DMBX1: variants seen among roughly 807,000 people sequenced by gnomAD.
DMBX1 encodes diencephalon/mesencephalon homeobox protein 1.
A neutral mutation model predicts 30.4 loss-of-function variants in DMBX1; 7 were observed. That is an observed-to-expected ratio of 0.23 (90% CI 0.13 to 0.43). The LOEUF (loss-of-function observed/expected upper bound fraction) is 0.43. Among genes scored for constraint, DMBX1 ranks in the 20% least tolerant of loss-of-function variants. The pLI is 1.00. For missense variants in DMBX1, 460 were observed against 508.5 expected, an observed-to-expected ratio of 0.90 and a Z score of 0.92; for synonymous variants, 222 against 214.2, an observed-to-expected ratio of 1.04 and a Z score of -0.32.
At chr1:46,492,784 T>A (rs2148480182) in intron 2 of DMBX1, among the ~76,000 whole-genome samples, 1 of 152,224 alleles carries the variant, frequency 6.6e-6, no homozygotes, top group South Asian at 2.1e-4. Flanking sequence ...ACAAGAGGCA[T>A]GGGCAGATCC....
rs1307895548 is a variant in DMBX1 at position 46,510,206 on chromosome 1, G to A, written c.155-270G>A. ...CTACCCAATCCCAATGCCAAATAAT[G>A]AAGACCCCCCTCAATCATATGCCTG... On this transcript the variant is annotated intron_variant, in intron 3 of 5. Transcript: ENST00000360032. The surrounding 1 kb of genome is among the most constrained non-coding windows in gnomAD (Gnocchi z 4.1). 6.6e-6 allele frequency among the ~76,000 whole-genome samples: 1 copy of A among 152,088 alleles called. No homozygotes were observed. Among genetic ancestry groups the A allele is most frequent in the African/African-American group, 2.4e-5 (1 of 41,388 alleles).
At position 46,511,214 on chromosome 1, in the gene DMBX1, C is replaced by T; in HGVS notation, c.613C>T (p.Pro205Ser). 1 of 1,613,018 alleles carries T rather than the reference C, an allele frequency of 6.2e-7. No individual in the cohort carries two copies. Among genetic ancestry groups the T allele is most frequent in the Non-Finnish European group, 8.5e-7 (1 of 1,179,840 alleles). Residue 205 changes from proline to serine, a missense_variant, in exon 5 of 6, where the codon CCC becomes TCC. Physicochemically the swap from Pro to Ser is moderately conservative, Grantham distance 74 (BLOSUM62 -1). This residue lies in a region of DMBX1 where 334 missense variants were observed against 345.1 expected (regional missense o/e 0.97). Transcript: ENST00000360032. Reference sequence around the variant, plus strand: ...GGACCCCAGGGCAGGGGCTGAGGACCCCAAAGCTGAGAAGAGCCCTGGGGC... The same window carrying T: ...GGACCCCAGGGCAGGGGCTGAGGACTCCAAAGCTGAGAAGAGCCCTGGGGC... ...EEDPRAGAED[P>S]KAEKSPGADS...
chr1:46,510,929 C>T lies in DMBX1; in HGVS notation c.334-6C>T, dbSNP rs771951879. Reference sequence around the variant, plus strand: ...CCACCTCGGACTGCTCCTTTCCCGTCCCCAGGTGTGGTTCAAGAACCGCCG... The same window carrying T: ...CCACCTCGGACTGCTCCTTTCCCGTTCCCAGGTGTGGTTCAAGAACCGCCG... On this transcript the variant is annotated splice_polypyrimidine_tract_variant and splice_region_variant and intron_variant, in intron 4 of 5. Coordinates refer to ENST00000360032, the MANE Select transcript of DMBX1 (RefSeq NM_172225.2). This position sits in a 1 kb window ranked among gnomAD's most constrained non-coding sequence, Gnocchi z 4.1. 7 of 1,594,162 alleles carry T rather than the reference C, an allele frequency of 4.4e-6. No individual in the cohort carries two copies. Among genetic ancestry groups the T allele is most frequent in the Non-Finnish European group, 6.0e-6 (7 of 1,169,388 alleles).
In DMBX1 at chr1:46,510,762, C is replaced by G. The variant is rs1666350426; in HGVS notation, c.333+108C>G. On this transcript the variant is annotated intron_variant, in intron 4 of 5. Transcript: ENST00000360032. The surrounding 1 kb of genome is among the most constrained non-coding windows in gnomAD (Gnocchi z 4.1). ...ATCCCTGTGCCAAGGTGCAACTGAT[C>G]TCTCCATCAAAGCCTTCAGTGATAG... 7.0e-7 allele frequency: 1 copy of G among 1,419,036 alleles called. No homozygotes were observed. Among genetic ancestry groups the G allele is most frequent in the African/African-American group, 1.4e-5 (1 of 70,202 alleles). 87.9% of individuals were successfully genotyped at this position (1,419,036 alleles called of 1,614,324 possible). A position where few individuals can be genotyped will look rare whatever the true frequency, so the allele number is the denominator to read the frequency against.
At chr1:46,500,149 G>A (rs1181050689) in intron 2 of DMBX1, among the ~76,000 whole-genome samples, 1 of 152,040 alleles carries the variant, frequency 6.6e-6, no homozygotes, top group Admixed American at 6.5e-5. Flanking sequence ...GGAGTGGTAG[G>A]TAGTCTGGTA....
In DMBX1 at chr1:46,510,903, C is replaced by T. The variant is rs1324378142; in HGVS notation, c.334-32C>T. 1 of 1,544,292 alleles carries T rather than the reference C, an allele frequency of 6.5e-7. No homozygotes were observed. The highest frequency in any genetic ancestry group is 2.3e-5 in the East Asian group (1 of 43,576). ...CCACACCAACCCCACTTCTTTCTTGCCCACCTCGGACTGCTCCTTTCCCGT... is the reference window on the plus strand; with the variant it reads ...CCACACCAACCCCACTTCTTTCTTGTCCACCTCGGACTGCTCCTTTCCCGT... On this transcript the variant is annotated intron_variant, in intron 4 of 5. Coordinates refer to ENST00000360032, the MANE Select transcript of DMBX1 (RefSeq NM_172225.2). This position sits in a 1 kb window ranked among gnomAD's most constrained non-coding sequence, Gnocchi z 4.1.
chr1:46,502,676 C>A (rs1666159918), intron 2 of DMBX1, among the ~76,000 whole-genome samples: 1 of 152,080 alleles, frequency 6.6e-6, no homozygotes, highest in Admixed American at 6.6e-5. Flanking sequence ...TGCTTGAGCC[C>A]AGGAGTTTGA....
intron 3 of DMBX1, among the ~76,000 whole-genome samples, chr1:46,508,274 GC>G (rs1666279554): frequency 6.6e-6 from 1 of 152,210 alleles, no homozygotes; most frequent in Non-Finnish European, 1.5e-5. Flanking sequence ...AAATGCTGGG[GC>G]AGCTCAGAGC....
In DMBX1 at chr1:46,510,889, C is replaced by T. The variant is rs1398197019; in HGVS notation, c.334-46C>T. 6.6e-7 allele frequency: 1 copy of T among 1,525,008 alleles called. No homozygotes were observed. The allele number at this position is 1,525,008 out of a possible 1,614,324, so 94.5% of individuals were successfully genotyped here. A position where few individuals can be genotyped will look rare whatever the true frequency, so the allele number is the denominator to read the frequency against. On this transcript the variant is annotated intron_variant, in intron 4 of 5. Coordinates refer to ENST00000360032, the MANE Select transcript of DMBX1 (RefSeq NM_172225.2). The surrounding 1 kb of genome is among the most constrained non-coding windows in gnomAD (Gnocchi z 4.1). ...CAGAGCACCCTGCTCCACACCAACCCCACTTCTTTCTTGCCCACCTCGGAC... is the reference window on the plus strand; with the variant it reads ...CAGAGCACCCTGCTCCACACCAACCTCACTTCTTTCTTGCCCACCTCGGAC...
Position 46,512,192 on chromosome 1 carries a change from T to C in DMBX1, c.832T>C (p.Tyr278His). ...GGCGGCCACCAACAACCTGGTGCAC[T>C]ACTCGTCCTTCGAAGTAGGGGGTCC... ...HMAATNNLVH[Y>H]SSFEVGGPAP... The change falls in exon 6 of 6, where the codon TAC (tyrosine) becomes CAC (histidine). Residue 278 changes from tyrosine (Y) to histidine (H), a missense_variant. By Grantham distance (83) the Tyr-to-His change is moderately conservative. This residue lies in a region of DMBX1 where 334 missense variants were observed against 345.1 expected (regional missense o/e 0.97). Transcript: ENST00000360032. The surrounding 1 kb of genome is among the most constrained non-coding windows in gnomAD (Gnocchi z 4.8). 1 of 1,614,048 alleles carries C rather than the reference T, an allele frequency of 6.2e-7. No homozygotes were observed. The highest frequency in any genetic ancestry group is 2.2e-5 in the East Asian group (1 of 44,866).
rs1666404019 is a variant in DMBX1, at chr1:46,512,501, G to A, written c.*7G>A. On this transcript the variant is annotated 3_prime_UTR_variant, in exon 6 of 6. Coordinates refer to ENST00000360032, the MANE Select transcript of DMBX1 (RefSeq NM_172225.2). This position sits in a 1 kb window ranked among gnomAD's most constrained non-coding sequence, Gnocchi z 4.8. ...CGATACGCTGCCCAACTGACTGTCT[G>A]GCTTCCAACCCAGCCAGGGGTCTTA... The A allele has an allele frequency of 3.7e-6, 6 of 1,602,210 alleles. No homozygotes were observed. The highest frequency in any genetic ancestry group is 5.1e-6 in the Non-Finnish European group (6 of 1,172,452).
Position 46,507,130 on chromosome 1 carries a change from A to G in DMBX1, c.120A>G (p.Ser40=), listed in dbSNP as rs1666253251. Residue 40 remains serine, a synonymous_variant, in exon 3 of 6, where the codon TCA becomes TCG. Coordinates refer to ENST00000360032, the MANE Select transcript of DMBX1 (RefSeq NM_172225.2). The part of the protein sequence containing the change: ...QAQHAPDYRP[S]VHALTLAERL... ...AGCATGCCCCCGACTACCGGCCTTC[A>G]GTGCATGCGCTTACATTGGCTGAGC... The G allele has an allele frequency of 1.2e-6, 2 of 1,614,228 alleles. No homozygotes were observed. The highest frequency in any genetic ancestry group is 1.1e-5 in the South Asian group (1 of 91,092).
intron 2 of DMBX1, among the ~76,000 whole-genome samples, chr1:46,494,844 C>G (rs78616682): frequency 6.6e-6 from 1 of 152,160 alleles, no homozygotes; most frequent in Non-Finnish European, 1.5e-5. Flanking sequence ...TTTGACCCCC[C>G]ACAGCTCATC....
rs900409943 is a variant in DMBX1 at position 46,515,079 on chromosome 1, G to A, written c.*2585G>A. On this transcript the variant is annotated 3_prime_UTR_variant, in exon 6 of 6. Coordinates refer to ENST00000360032, the MANE Select transcript of DMBX1 (RefSeq NM_172225.2). ...TTCCAAATCCTCAGGTCTCTTGCTG[G>A]GGTCTGGAATTTGGAAGGGGAATCC... 6.6e-6 allele frequency among the ~76,000 whole-genome samples: 1 copy of A among 152,068 alleles called. No individual in the cohort carries two copies. Among genetic ancestry groups the A allele is most frequent in the African/African-American group, 2.4e-5 (1 of 41,388 alleles).
intron 3 of DMBX1, among the ~76,000 whole-genome samples, chr1:46,509,415 G>A (rs984117015): frequency 6.6e-6 from 1 of 152,118 alleles, no homozygotes; most frequent in African/African-American, 2.4e-5. Context: ...CCTGGAGGGC[G>A]GGGGAAGGAC....
At chr1:46,498,087 G>A (rs1344483757) in intron 2 of DMBX1, among the ~76,000 whole-genome samples, 2 of 152,150 alleles carry the variant, frequency 1.3e-5, no homozygotes, top group African/African-American at 2.4e-5. Flanking sequence ...CTCCCTATAG[G>A]GGCCACCAGG....
At chr1:46,490,225 G>A (rs1665903690) in intron 1 of DMBX1, among the ~76,000 whole-genome samples, 1 of 152,222 alleles carries the variant, frequency 6.6e-6, no homozygotes, top group African/African-American at 2.4e-5. Flanking sequence ...GGCAGAGAGA[G>A]CGGAGGGCAA....
At chr1:46,509,410 A>G (rs1666308351) in intron 3 of DMBX1, among the ~76,000 whole-genome samples, 1 of 152,086 alleles carries the variant, frequency 6.6e-6, no homozygotes, top group Non-Finnish European at 1.5e-5. Context: ...CATTCCCTGG[A>G]GGGCGGGGGA....
At position 46,512,169 on chromosome 1, in the gene DMBX1, C is replaced by T. The variant is rs754996487; in HGVS notation, c.809C>T (p.Ala270Val). Reference sequence around the variant, plus strand: ...CAGGAGCAATTCCGCCAGCACATGGCGGCCACCAACAACCTGGTGCACTAC... The same window carrying T: ...CAGGAGCAATTCCGCCAGCACATGGTGGCCACCAACAACCTGGTGCACTAC... The part of the protein sequence containing the change: ...RLQEQFRQHM[A>V]ATNNLVHYSS... Residue 270 changes from alanine (A) to valine (V), a missense_variant, in exon 6 of 6, where the codon GCG (alanine) becomes GTG (valine). Physicochemically the swap from Ala to Val is moderately conservative, Grantham distance 64 (BLOSUM62 0). Coordinates refer to ENST00000360032, the MANE Select transcript of DMBX1 (RefSeq NM_172225.2). This position sits in a 1 kb window ranked among gnomAD's most constrained non-coding sequence, Gnocchi z 4.8. 1.3e-5 allele frequency: 21 copies of T among 1,613,922 alleles called. No individual in the cohort carries two copies. Among genetic ancestry groups the T allele is most frequent in the East Asian group, 2.2e-5 (1 of 44,884 alleles).
Sources: allele counts gnomAD v4.1 joint callset (sites outside exome capture counted in the v4.1 genomes callset), GRCh38; gene constraint gnomAD v4.1.1; regional missense constraint gnomAD v4.1.1; non-coding constraint Gnocchi (gnomAD v3.1); transcripts MANE v1.5; gene names NCBI Gene and HGNC (gene_info 2026-07-23, HGNC 2026-07-21).